Variants in PPP2R2A observed in about 807,000 individuals in gnomAD.
The protein encoded by PPP2R2A is serine/threonine-protein phosphatase 2A 55 kDa regulatory subunit B alpha isoform.
PPP2R2A carries 9 observed loss-of-function variants against 53.2 expected under a neutral mutation model. That is an observed-to-expected ratio of 0.17 (90% CI 0.10 to 0.30). The LOEUF (loss-of-function observed/expected upper bound fraction) is 0.30, where lower values mean the gene tolerates loss of function less well. Ranked by LOEUF, PPP2R2A falls within the 10% of genes least tolerant of loss-of-function variation. PPP2R2A has a pLI of 1.00. For synonymous variants in PPP2R2A, 169 were observed against 174.2 expected (o/e 0.97, Z 0.23); for missense variants, 235 against 534.6 (o/e 0.44, Z 5.53).
Position 26,370,595 on chromosome 8 carries a change from G to A in PPP2R2A, c.*182G>A, listed in dbSNP as rs1585421505. 2 of 699,266 alleles carry A rather than the reference G, an allele frequency of 2.9e-6. No individual in the cohort carries two copies. The highest frequency in any genetic ancestry group is 3.9e-5 in the South Asian group (2 of 51,886). 43.3% of individuals were successfully genotyped at this position (699,266 alleles called of 1,614,324 possible). ...AGCTCTGTGGATTCATCACTGTGGT[G>A]TTCTCCATGTCTGCTAGCCATTTAG... On this transcript the variant is annotated 3_prime_UTR_variant, in exon 10 of 10. Coordinates refer to ENST00000380737, the MANE Select transcript of PPP2R2A (RefSeq NM_002717.4). The surrounding 1 kb of genome is among the most constrained non-coding windows in gnomAD (Gnocchi z 6.1).
At chr8:26,326,810 AACTTTAAGTC>A (rs1803110563) in intron 2 of PPP2R2A, among the ~76,000 whole-genome samples, 1 of 152,236 alleles carries the variant, frequency 6.6e-6, no homozygotes, top group African/African-American at 2.4e-5. Context: ...GATGATAACT[AACTTTAAGTC>A]TAGAATGCTC....
At chr8:26,339,816 AAC>A (rs1182984837) in intron 3 of PPP2R2A, 2 of 152,120 alleles carry the variant, frequency 1.3e-5, no homozygotes, top group Non-Finnish European at 1.5e-5. Flanking sequence ...TCTAAATCAT[AAC>A]ACAGAGTTAG....
chr8:26,292,986 G>C (rs1801375254), intron 1 of PPP2R2A: 1 of 410,612 alleles, frequency 2.4e-6, no homozygotes, highest in East Asian at 3.6e-5. Context: ...AATGAAATGA[G>C]ATTAAAATTG....
At chr8:26,309,106 T>C (rs907952273) in intron 2 of PPP2R2A, among the ~76,000 whole-genome samples, 1 of 152,148 alleles carries the variant, frequency 6.6e-6, no homozygotes, top group Non-Finnish European at 1.5e-5. Flanking sequence ...AATGATCCAC[T>C]CACCTTGGCC....
chr8:26,343,728 T>G (rs1804068628), intron 3 of PPP2R2A, among the ~76,000 whole-genome samples: 1 of 152,126 alleles, frequency 6.6e-6, no homozygotes, highest in Non-Finnish European at 1.5e-5. Flanking sequence ...TTGAAATAAT[T>G]TACCAAAATA....
intron 8 of PPP2R2A, chr8:26,365,276 G>A (rs895117561): frequency 6.6e-6 from 1 of 152,118 alleles, no homozygotes; most frequent in African/African-American, 2.4e-5. Context: ...GCCAAGTTTT[G>A]TGTGATTGAA....
At chr8:26,332,660 GAATGTGTATC>G (rs1803447714) in intron 2 of PPP2R2A, among the ~76,000 whole-genome samples, 1 of 152,174 alleles carries the variant, frequency 6.6e-6, no homozygotes, top group South Asian at 2.1e-4. Flanking sequence ...GTAGAATTTA[GAATGTGTATC>G]ACCCAGTGCC....
chr8:26,320,766 A>T (rs1306723636), intron 2 of PPP2R2A, among the ~76,000 whole-genome samples: 1 of 152,212 alleles, frequency 6.6e-6, no homozygotes, highest in East Asian at 1.9e-4. Flanking sequence ...AAAAGAAAGC[A>T]GTTACTTAAA....
intron 2 of PPP2R2A, among the ~76,000 whole-genome samples, chr8:26,312,628 C>T (rs984170513): frequency 2.0e-5 from 3 of 152,316 alleles, no homozygotes; most frequent in African/African-American, 7.2e-5. Context: ...CAGATTGCAT[C>T]ATACTGCAAC....
At chr8:26,292,873 G>A (rs939523361) in intron 1 of PPP2R2A, among the ~76,000 whole-genome samples, 6 of 152,142 alleles carry the variant, frequency 3.9e-5, no homozygotes, top group Non-Finnish European at 8.8e-5. Flanking sequence ...CCAGTTTTCC[G>A]TGCTGTATTC....
At chr8:26,293,608 T>C (rs1801407713) in intron 1 of PPP2R2A, 58 bp from the exon 2 acceptor site, 1 of 1,521,072 alleles carries the variant, frequency 6.6e-7, no homozygotes, top group Non-Finnish European at 9.1e-7. Context: ...CATCTTTGTG[T>C]TTACGAGAGT....
At chr8:26,330,242 A>G (rs1266157847) in intron 2 of PPP2R2A, among the ~76,000 whole-genome samples, 1 of 148,538 alleles carries the variant, frequency 6.7e-6, no homozygotes, top group Non-Finnish European at 1.5e-5. Flanking sequence ...ATGTTTTTTT[A>G]TTTTTAGTCA....
intron 2 of PPP2R2A, among the ~76,000 whole-genome samples, chr8:26,327,868 C>G (rs1156409037): frequency 6.6e-6 from 1 of 152,116 alleles, no homozygotes; most frequent in East Asian, 1.9e-4. Context: ...TGTGACCTAA[C>G]AGAATAGTAT....
At chr8:26,293,560 C>G in intron 1 of PPP2R2A, 106 bp from the exon 2 acceptor site, 1 of 1,065,458 alleles carries the variant, frequency 9.4e-7, no homozygotes, top group South Asian at 1.7e-5. Context: ...TATGTGTGGG[C>G]AGAACTAGGC....
At chr8:26,315,771 C>T (rs146009203) in intron 2 of PPP2R2A, among the ~76,000 whole-genome samples, 5 of 152,196 alleles carry the variant, frequency 3.3e-5, no homozygotes, top group East Asian at 1.9e-4. Flanking sequence ...TGTTGCCTTG[C>T]GTTTTCTTTG....
intron 3 of PPP2R2A, among the ~76,000 whole-genome samples, chr8:26,351,257 A>G (rs762580219): frequency 9.9e-5 from 15 of 152,052 alleles, no homozygotes; most frequent in Non-Finnish European, 1.5e-4. Context: ...CCATGTGGCT[A>G]TTCAGATTAA....
At chr8:26,310,196 A>G (rs1418259983) in intron 2 of PPP2R2A, among the ~76,000 whole-genome samples, 1 of 3,398 alleles carries the variant, frequency 2.9e-4, no homozygotes, top group African/African-American at 1.2e-3. Context: ...CAGGAGAATC[A>G]TTTGAACCCG....
intron 9 of PPP2R2A, among the ~76,000 whole-genome samples, chr8:26,367,210 A>T (rs1229468156): frequency 1.3e-5 from 2 of 152,212 alleles, no homozygotes; most frequent in African/African-American, 4.8e-5. Context: ...CTGATTTTTG[A>T]CATAAGGACT....
At chr8:26,336,272 T>A (rs1317438951) in intron 2 of PPP2R2A, among the ~76,000 whole-genome samples, 2 of 151,816 alleles carry the variant, frequency 1.3e-5, no homozygotes, top group Middle Eastern at 3.4e-3. Flanking sequence ...AAAATAAAAA[T>A]AAAAAAATTA....
Sources: gnomAD v4.1 joint callset for allele counts (sites outside exome capture counted in the v4.1 genomes callset) on GRCh38, gnomAD v4.1.1 for gene constraint, Gnocchi (gnomAD v3.1) non-coding constraint, MANE v1.5 for transcripts, NCBI Gene and HGNC (gene_info 2026-07-23, HGNC 2026-07-21) for gene names.